CEP83: variants seen among roughly 807,000 people sequenced by gnomAD.
The protein encoded by CEP83 is centrosomal protein 83.
Under a neutral mutation model 101.9 loss-of-function variants are expected in CEP83, and 70 were observed. That is an observed-to-expected ratio of 0.69 (90% CI 0.57 to 0.84). The LOEUF is 0.84. CEP83 is among the 40% of genes least tolerant of loss of function. The pLI is 0.00. For synonymous variants in CEP83, 264 were observed against 267.9 expected (o/e 0.99, Z 0.14); for missense variants, 715 against 787.2 (o/e 0.91, Z 1.10).
intron 1 of CEP83, 29 bp downstream of exon 1, chr12:94,459,528 C>A (rs1167918389): frequency 3.9e-5 from 6 of 152,332 alleles, no homozygotes; most frequent in Non-Finnish European, 1.5e-5. Context: ...ACAAACAAGA[C>A]ACCGTCCCCA....
intron 9 of CEP83, chr12:94,369,577 A>G (rs1016983466): frequency 3.6e-5 from 6 of 166,710 alleles, no homozygotes; most frequent in East Asian, 1.7e-4. Flanking sequence ...CTGGAACCCA[A>G]TTATCTTCCT....
intron 4 of CEP83, 76 bp from the exon 5 acceptor site, chr12:94,403,338 C>A: frequency 1.5e-6 from 1 of 676,096 alleles, no homozygotes; most frequent in South Asian, 1.9e-5. Flanking sequence ...AGCCTCTCTC[C>A]TAATTATGAC....
chr12:94,444,333 G>C (rs548692999), intron 1 of CEP83, among the ~76,000 whole-genome samples: 2 of 152,172 alleles, frequency 1.3e-5, no homozygotes, highest in Non-Finnish European at 2.9e-5. Flanking sequence ...GGGATGCAGA[G>C]GTTCCAGTGA....
the CEP83 span, chr12:94,272,174 C>A: frequency 6.6e-6 from 1 of 152,312 alleles, no homozygotes; most frequent in East Asian, 1.9e-4. Flanking sequence ...ATTCCCAAAT[C>A]AATCAGGATG....
intron 1 of CEP83, among the ~76,000 whole-genome samples, chr12:94,449,525 G>A (rs959014315): frequency 2.8e-4 from 42 of 151,346 alleles, no homozygotes; most frequent in Admixed American, 3.3e-4. Flanking sequence ...GGGAGGCCAC[G>A]CAGGTAAATC....
the CEP83 span, chr12:94,279,707 GCCCT>G: frequency 1.4e-6 from 2 of 1,460,556 alleles, no homozygotes; most frequent in Non-Finnish European, 1.9e-6. Context: ...CTCCCTGCCT[GCCCT>G]CCCTCCCTGT....
chr12:94,383,401 G>C (rs73218250), intron 6 of CEP83, among the ~76,000 whole-genome samples: 17,627 of 151,984 alleles, frequency 0.12, 1,291 homozygotes, highest in Non-Finnish European at 0.15. Context: ...GATGGTTCAA[G>C]TTACAACTTT....
chr12:94,424,411 C>T (rs530239479), intron 2 of CEP83: 1 of 1,614,040 alleles, frequency 6.2e-7, no homozygotes, highest in African/African-American at 1.3e-5. Flanking sequence ...CTTCACACTT[C>T]TCTGTGGACT....
intron 1 of CEP83, among the ~76,000 whole-genome samples, chr12:94,439,174 C>T (rs2066214036): frequency 6.6e-6 from 1 of 151,978 alleles, no homozygotes; most frequent in African/African-American, 2.4e-5. Flanking sequence ...TAACAAAGAT[C>T]AGAACTAAAT....
intron 2 of CEP83, among the ~76,000 whole-genome samples, chr12:94,428,618 A>G (rs889573777): frequency 2.6e-5 from 4 of 152,244 alleles, no homozygotes; most frequent in African/African-American, 7.2e-5. Flanking sequence ...TCTGTCACAA[A>G]GCAAGTATAA....
intron 11 of CEP83, among the ~76,000 whole-genome samples, chr12:94,344,809 T>C (rs1446590404): frequency 6.6e-6 from 1 of 151,988 alleles, no homozygotes; most frequent in Non-Finnish European, 1.5e-5. Context: ...TTTAAAAAGA[T>C]AAAAAACTGA....
At chr12:94,268,994 C>T in the CEP83 span, among the ~76,000 whole-genome samples, 1 of 152,036 alleles carries the variant, frequency 6.6e-6, no homozygotes, top group East Asian at 1.9e-4. Context: ...ACTCAGCTTA[C>T]GTTTTGTCAA....
At chr12:94,425,858 C>A (rs1019891885) in intron 2 of CEP83, among the ~76,000 whole-genome samples, 2 of 152,110 alleles carry the variant, frequency 1.3e-5, no homozygotes, top group African/African-American at 4.8e-5. Flanking sequence ...CGGTGGCTCA[C>A]GCCTGTAATC....
chr12:94,424,766 G>A, intron 2 of CEP83: 2 of 1,611,678 alleles, frequency 1.2e-6, no homozygotes, highest in Non-Finnish European at 1.7e-6. Flanking sequence ...ATCTTGGTCA[G>A]TAGTGCCTGG....
At chr12:94,370,135 A>C in intron 8 of CEP83, 99 bp from the exon 9 acceptor site, 1 of 697,268 alleles carries the variant, frequency 1.4e-6, no homozygotes, top group Non-Finnish European at 2.5e-6. Flanking sequence ...CTCTGGTAGT[A>C]AAGTAGAGTC....
At chr12:94,277,385 T>C in the CEP83 span, among the ~76,000 whole-genome samples, 9 of 152,130 alleles carry the variant, frequency 5.9e-5, no homozygotes, top group Non-Finnish European at 1.0e-4. Context: ...CATAGCAGCA[T>C]TAAAGACAAG....
chr12:94,326,244 T>C (rs1409872176), intron 14 of CEP83, among the ~76,000 whole-genome samples: 1 of 152,184 alleles, frequency 6.6e-6, no homozygotes, highest in Non-Finnish European at 1.5e-5. Context: ...CCCCAACACC[T>C]TGCCCAATGC....
At chr12:94,266,900 G>A in the CEP83 span, among the ~76,000 whole-genome samples, 37 of 152,320 alleles carry the variant, frequency 2.4e-4, no homozygotes, top group Non-Finnish European at 1.0e-4. Flanking sequence ...ACCAGTGCCC[G>A]GGCTTTCCCT....
intron 14 of CEP83, among the ~76,000 whole-genome samples, chr12:94,330,562 C>G (rs1035283888): frequency 6.6e-6 from 1 of 152,204 alleles, no homozygotes; most frequent in Non-Finnish European, 1.5e-5. Context: ...AAAAGGATCA[C>G]AATGCTGTGG....
Sources: allele counts gnomAD v4.1 joint callset (sites outside exome capture counted in the v4.1 genomes callset), GRCh38; gene constraint gnomAD v4.1.1; transcripts MANE v1.5; gene names NCBI Gene and HGNC (gene_info 2026-07-23, HGNC 2026-07-21).